Variants in HACE1 observed in about 807,000 individuals in gnomAD.
The protein encoded by HACE1 is E3 ubiquitin-protein ligase HACE1.
A neutral mutation model predicts 118.4 loss-of-function variants in HACE1; 73 were observed. That is an observed-to-expected ratio of 0.62 (90% confidence interval 0.51 to 0.75). The LOEUF is 0.75. Ranked by LOEUF, HACE1 falls within the 30% of genes least tolerant of loss-of-function variation. The probability of loss-of-function intolerance (pLI) is 0.00; values close to 1 mark genes in which losing one functional copy is unlikely to be tolerated. For synonymous variants in HACE1, 368 were observed against 374.8 expected, an observed-to-expected ratio of 0.98 and a Z score of 0.21; for missense variants, 749 against 1,102.2, an observed-to-expected ratio of 0.68 and a Z score of 4.54.
intron 2 of HACE1, 87 bp downstream of exon 2, chr6:104,852,230 C>CGTGTGTGTGTGTGTGCGT (rs755492842): frequency 1.5e-6 from 1 of 688,322 alleles, no homozygotes; most frequent in African/African-American, 2.0e-5. Context: ...TGTGTGTGTG[C>CGTGTGTGTGTGTGTGCGT]GCGCGTGCGC....
chr6:104,753,156 A>G (rs1778243774), intron 19 of HACE1, among the ~76,000 whole-genome samples: 1 of 152,182 alleles, frequency 6.6e-6, no homozygotes, highest in Non-Finnish European at 1.5e-5. Flanking sequence ...AACACCCACT[A>G]CTGTTGCCCA....
chr6:104,801,249 C>T (rs951928270), intron 7 of HACE1, among the ~76,000 whole-genome samples: 1 of 152,114 alleles, frequency 6.6e-6, no homozygotes. Context: ...GATTGGTGTA[C>T]CTGAAAGTGT....
intron 22 of HACE1, among the ~76,000 whole-genome samples, chr6:104,734,102 G>A (rs1460428541): frequency 7.5e-6 from 1 of 133,096 alleles, no homozygotes; most frequent in Non-Finnish European, 1.5e-5. Flanking sequence ...GCAGTGAGCC[G>A]AGTGAGATCC....
intron 17 of HACE1, among the ~76,000 whole-genome samples, chr6:104,772,951 T>C (rs1466171160): frequency 6.6e-6 from 1 of 152,052 alleles, no homozygotes; most frequent in Non-Finnish European, 1.5e-5. Flanking sequence ...TGCACAACAC[T>C]GTGAATGTAC....
At chr6:104,778,515 C>T (rs1380793290) in intron 14 of HACE1, among the ~76,000 whole-genome samples, 1 of 151,924 alleles carries the variant, frequency 6.6e-6, no homozygotes, top group Non-Finnish European at 1.5e-5. Context: ...AGAGAAGAGG[C>T]TGGGTATGGT....
At chr6:104,785,369 T>TAAAAAAAAAAAAAAAAAAAA in intron 11 of HACE1, 50 bp from the exon 12 acceptor site, 1 of 743,258 alleles carries the variant, frequency 1.3e-6, no homozygotes, top group Non-Finnish European at 2.1e-6. Context: ...ACTACAGGAT[T>TAAAAAAAAAAAAAAAAAAAA]AAAAAAAAAA....
At chr6:104,810,556 A>G (rs1429074617) in intron 7 of HACE1, among the ~76,000 whole-genome samples, 1 of 152,110 alleles carries the variant, frequency 6.6e-6, no homozygotes, top group African/African-American at 2.4e-5. Context: ...TACATAATAC[A>G]TAATATGTAG....
chr6:104,853,934 G>C (rs73768848), intron 1 of HACE1, among the ~76,000 whole-genome samples: 403 of 152,184 alleles, frequency 2.6e-3, no homozygotes, highest in African/African-American at 9.4e-3. Flanking sequence ...CACAGTAAGA[G>C]ATTAACAACA....
At chr6:104,772,465 G>T (rs925934562) in intron 17 of HACE1, among the ~76,000 whole-genome samples, 1 of 152,122 alleles carries the variant, frequency 6.6e-6, no homozygotes, top group East Asian at 1.9e-4. Context: ...CTGTTCGCTA[G>T]GACAGACATT....
chr6:104,805,642 G>A (rs911278457), intron 7 of HACE1, among the ~76,000 whole-genome samples: 8 of 152,104 alleles, frequency 5.3e-5, no homozygotes, highest in African/African-American at 1.9e-4. Flanking sequence ...CTCATAGGTG[G>A]GAATTGAACA....
At chr6:104,748,092 A>C (rs1306246112) in intron 20 of HACE1, among the ~76,000 whole-genome samples, 1 of 152,092 alleles carries the variant, frequency 6.6e-6, no homozygotes, top group African/African-American at 2.4e-5. Flanking sequence ...ATCAAAAAAA[A>C]CAAAACAAAA....
At chr6:104,856,442 T>TG (rs71549415) in intron 1 of HACE1, among the ~76,000 whole-genome samples, 1 of 92,882 alleles carries the variant, frequency 1.1e-5, no homozygotes, top group African/African-American at 6.3e-5. Flanking sequence ...TATTTATGTG[T>TG]TTTTTTTTTG....
intron 14 of HACE1, chr6:104,782,224 A>C (rs984416226): frequency 1.1e-4 from 17 of 152,442 alleles, no homozygotes; most frequent in Non-Finnish European, 7.3e-5. Context: ...GTGGTGGCTC[A>C]TGCCCATAAT....
intron 12 of HACE1, 87 bp downstream of exon 12, chr6:104,784,898 T>C: frequency 1.2e-6 from 1 of 867,326 alleles, no homozygotes. Flanking sequence ...AACAAATTAT[T>C]ATTTGTTGTT....
rs1459912458 is a variant in HACE1, at chr6:104,859,894, T to A, written c.-252A>T. ...CTTTCCTGCAGCCCCCGCCGCCGCG[T>A]CCCTCCCGGGCTCGCGTGGCCTTCT... On this transcript the variant is annotated 5_prime_UTR_variant, in exon 1 of 24. Transcript: ENST00000262903. 4.2e-6 allele frequency: 2 copies of A among 470,960 alleles called. No individual in the cohort carries two copies. The highest frequency in any genetic ancestry group is 7.5e-6 in the Non-Finnish European group (2 of 266,274). 29.2% of individuals were successfully genotyped at this position (470,960 alleles called of 1,614,324 possible).
chr6:104,799,861 G>A (rs542311368), intron 7 of HACE1, among the ~76,000 whole-genome samples: 317 of 152,256 alleles, frequency 2.1e-3, no homozygotes, highest in Non-Finnish European at 3.3e-3. Flanking sequence ...GTACCTGGTC[G>A]ATCTCATTGG....
Position 104,771,096 on chromosome 6 carries a change from A to G in HACE1, c.2211+97T>C, listed in dbSNP as rs1435218626. The G allele has an allele frequency of 4.7e-6, 4 of 848,556 alleles. No homozygotes were observed. In the Admixed American group the frequency reaches 5.4e-5, roughly 11 times the overall value. 52.6% of individuals were successfully genotyped at this position (848,556 alleles called of 1,614,324 possible). A position where few individuals can be genotyped will look rare whatever the true frequency, so the allele number is the denominator to read the frequency against. ...TATCTGCTATGATACTGTAATAGTA[A>G]AAGTTTTTCTACAAGTGCCAGAAGA... On this transcript the variant is annotated intron_variant, in intron 19 of 23. Coordinates refer to ENST00000262903, the MANE Select transcript of HACE1 (RefSeq NM_020771.4).
At chr6:104,791,205 TATTAC>T (rs1782985501) in intron 11 of HACE1, among the ~76,000 whole-genome samples, 2 of 152,190 alleles carry the variant, frequency 1.3e-5, no homozygotes, top group Non-Finnish European at 2.9e-5. Flanking sequence ...GGTGGCTGCA[TATTAC>T]ATTAAAAACC....
intron 8 of HACE1, 76 bp from the exon 9 acceptor site, chr6:104,796,832 T>C: frequency 2.8e-6 from 3 of 1,084,678 alleles, no homozygotes; most frequent in Non-Finnish European, 4.3e-6. Flanking sequence ...ACAATAAAAA[T>C]CTTTGCACCT....
Sources: gnomAD v4.1 joint callset for allele counts (sites outside exome capture counted in the v4.1 genomes callset) on GRCh38, gnomAD v4.1.1 for gene constraint, MANE v1.5 for transcripts, NCBI Gene and HGNC (gene_info 2026-07-23, HGNC 2026-07-21) for gene names.